Variants in RMP64 observed in about 807,000 individuals in gnomAD.
The protein encoded by RMP64 is nucleolus and neural progenitor protein.
the RMP64 span, chr3:113,004,636 CTT>C: frequency 6.6e-6 from 1 of 152,288 alleles, no homozygotes; most frequent in African/African-American, 2.4e-5. Context: ...CTACCTCAAA[CTT>C]CACATCATTA....
the RMP64 span, chr3:113,011,554 G>T: frequency 1.7e-6 from 1 of 573,024 alleles, no homozygotes; most frequent in Non-Finnish European, 2.9e-6. Context: ...CTTGCGAACA[G>T]CCAGATTAGT....
At chr3:113,014,095 A>C in the RMP64 span, 1 of 994,574 alleles carries the variant, frequency 1.0e-6, no homozygotes, top group Non-Finnish European at 1.6e-6. Flanking sequence ...ACTGATTATG[A>C]CCAGGAAAGC....
the RMP64 span, chr3:113,002,682 T>TAATA: frequency 6.5e-6 from 1 of 153,652 alleles, no homozygotes; most frequent in East Asian, 1.9e-4. Context: ...TGTGTTCTTT[T>TAATA]AATAGATAAA....
At chr3:113,009,942 A>G in the RMP64 span, among the ~76,000 whole-genome samples, 10 of 150,606 alleles carry the variant, frequency 6.6e-5, no homozygotes, top group African/African-American at 2.2e-4. Context: ...GAAAAATACC[A>G]GAAGTAGACA....
the RMP64 span, chr3:113,005,846 A>G: frequency 1.3e-4 from 212 of 1,613,830 alleles, no homozygotes; most frequent in Non-Finnish European, 1.7e-4. Context: ...TTCCCTTAAA[A>G]GAGTCGACTG....
chr3:113,019,597 G>T, the RMP64 span: 4 of 1,613,774 alleles, frequency 2.5e-6, no homozygotes, highest in Non-Finnish European at 2.5e-6. Context: ...CCGCCTTAGG[G>T]ATTCTCACAC....
chr3:113,012,834 A>G, the RMP64 span: 3 of 1,409,936 alleles, frequency 2.1e-6, no homozygotes, highest in Admixed American at 3.4e-5. Context: ...TTTAAGGTAG[A>G]AAACAAAATC....
the RMP64 span, chr3:113,005,928 T>G: frequency 6.2e-7 from 1 of 1,613,914 alleles, no homozygotes; most frequent in South Asian, 1.1e-5. Context: ...AGATGATGCT[T>G]TGAAGTTTTG....
chr3:113,005,115 A>C, the RMP64 span: 7 of 213,676 alleles, frequency 3.3e-5, no homozygotes, highest in Non-Finnish European at 5.7e-5. Flanking sequence ...GGAGCCAATA[A>C]GACCAAATTG....
At chr3:113,011,072 G>C in the RMP64 span, 1 of 1,602,468 alleles carries the variant, frequency 6.2e-7, no homozygotes, top group Admixed American at 1.7e-5. Flanking sequence ...TTCTTTACTG[G>C]CTGTCCAAGA....
the RMP64 span, chr3:113,014,014 G>A: frequency 3.7e-6 from 6 of 1,612,124 alleles, no homozygotes; most frequent in South Asian, 3.3e-5. Flanking sequence ...TTTTTCAAAC[G>A]CTTTAAACAT....
the RMP64 span, chr3:113,005,602 G>C: frequency 6.2e-7 from 1 of 1,613,894 alleles, no homozygotes; most frequent in South Asian, 1.1e-5. Flanking sequence ...CTGATGTACT[G>C]TTTTTATTTA....
chr3:113,014,019 A>C, the RMP64 span: 2 of 1,611,900 alleles, frequency 1.2e-6, no homozygotes, highest in African/African-American at 1.3e-5. Flanking sequence ...CAAACGCTTT[A>C]AACATTGCTC....
the RMP64 span, among the ~76,000 whole-genome samples, chr3:113,018,530 T>G: frequency 2.0e-5 from 3 of 152,190 alleles, no homozygotes; most frequent in African/African-American, 7.2e-5. Context: ...CCGCCTTATT[T>G]TGTTGTTCTG....
the RMP64 span, chr3:113,013,468 T>G: frequency 4.0e-5 from 56 of 1,417,188 alleles, 1 homozygote; most frequent in South Asian, 1.9e-4. Flanking sequence ...TTTTGTTTTT[T>G]TTTTTTTTAC....
chr3:113,013,216 A>T, the RMP64 span: 1 of 1,584,374 alleles, frequency 6.3e-7, no homozygotes, highest in Non-Finnish European at 8.7e-7. Context: ...TACTGTTAAA[A>T]ATATCCAAAC....
the RMP64 span, chr3:113,011,278 G>T: frequency 6.2e-7 from 1 of 1,613,564 alleles, no homozygotes; most frequent in Middle Eastern, 1.7e-4. Context: ...TAAAAATTCA[G>T]TGATATCAGA....
chr3:113,008,078 G>A, the RMP64 span: 1 of 1,170,476 alleles, frequency 8.5e-7, no homozygotes, highest in South Asian at 1.4e-5. Flanking sequence ...TGCGGCTGCT[G>A]GACATCACAT....
the RMP64 span, chr3:113,011,260 G>C: frequency 6.2e-7 from 1 of 1,613,360 alleles, no homozygotes; most frequent in South Asian, 1.1e-5. Flanking sequence ...TTCAAAATAT[G>C]GCTGTCCTAA....
Sources: allele counts gnomAD v4.1 joint callset (sites outside exome capture counted in the v4.1 genomes callset), GRCh38; gene constraint gnomAD v4.1.1; transcripts MANE v1.5; gene names NCBI Gene and HGNC (gene_info 2026-07-23, HGNC 2026-07-21).